MRE11: variants seen among roughly 807,000 people sequenced by gnomAD.
The protein encoded by MRE11 is double-strand break repair protein MRE11.
A neutral mutation model predicts 91.7 loss-of-function variants in MRE11; 62 were observed. The observed-to-expected ratio is 0.68, with a 90% CI of 0.55 to 0.84. MRE11 has a LOEUF of 0.84. Ranked by LOEUF, MRE11 falls within the 40% of genes least tolerant of loss-of-function variation. The probability of loss-of-function intolerance (pLI) is 0.00; values close to 1 mark genes in which losing one functional copy is unlikely to be tolerated. For synonymous variants in MRE11, 273 were observed against 271.4 expected (o/e 1.01, Z -0.06); for missense variants, 796 against 852.9 (o/e 0.93, Z 0.83).
At chr11:94,464,284 G>C (rs962258667) in intron 10 of MRE11, 45 bp from the exon 11 acceptor site, 8 of 1,612,350 alleles carry the variant, frequency 5.0e-6, no homozygotes, top group Non-Finnish European at 6.8e-6. Context: ...ACAACAATTT[G>C]CCAATTTTTA....
At chr11:94,457,199 G>A (rs1479833906) in intron 13 of MRE11, among the ~76,000 whole-genome samples, 2 of 152,258 alleles carry the variant, frequency 1.3e-5, no homozygotes, top group East Asian at 3.9e-4. Flanking sequence ...TAAAAAACAT[G>A]TTTCAAAGAA....
At chr11:94,431,884 A>G (rs1945471130) in intron 18 of MRE11, among the ~76,000 whole-genome samples, 1 of 152,242 alleles carries the variant, frequency 6.6e-6, no homozygotes, top group Non-Finnish European at 1.5e-5. Flanking sequence ...CTACTGTGAT[A>G]TCAAAAGCAA....
At chr11:94,462,558 A>G (rs1946449291) in intron 11 of MRE11, among the ~76,000 whole-genome samples, 1 of 152,220 alleles carries the variant, frequency 6.6e-6, no homozygotes, top group Non-Finnish European at 1.5e-5. Context: ...CCAAAACAGC[A>G]TGGTGCTGGT....
At chr11:94,444,619 C>A (rs1226271785) in intron 16 of MRE11, among the ~76,000 whole-genome samples, 3 of 152,080 alleles carry the variant, frequency 2.0e-5, no homozygotes, top group South Asian at 2.1e-4. Flanking sequence ...GTTGGGTATG[C>A]CTGCATAACT....
At chr11:94,447,134 T>C (rs1201211732) in intron 15 of MRE11, 85 bp downstream of exon 15, 4 of 1,335,418 alleles carry the variant, frequency 3.0e-6, no homozygotes, top group Non-Finnish European at 4.3e-6. Flanking sequence ...ATAAAACTTA[T>C]AATTCAACTC....
intron 19 of MRE11, among the ~76,000 whole-genome samples, chr11:94,426,712 A>G (rs1411228653): frequency 1.3e-5 from 2 of 152,170 alleles, no homozygotes; most frequent in Non-Finnish European, 2.9e-5. Context: ...ATCAGAAATG[A>G]CAAAGATGAC....
upstream of MRE11, chr11:94,496,745 T>G: frequency 6.2e-7 from 1 of 1,611,274 alleles, no homozygotes. Flanking sequence ...AGAGAATTCC[T>G]TGGATTTTTC....
At chr11:94,503,724 AATCGG>A in the MRE11 span, among the ~76,000 whole-genome samples, 1 of 151,242 alleles carries the variant, frequency 6.6e-6, no homozygotes, top group Non-Finnish European at 1.5e-5. Context: ...AAAACGTTAA[AATCGG>A]GATTTTTATA....
intron 6 of MRE11, 101 bp from the exon 7 acceptor site, chr11:94,476,504 T>C: frequency 1.3e-6 from 1 of 767,732 alleles, no homozygotes. Context: ...AGTATTTCAC[T>C]TTACTGTTGG....
the MRE11 span, among the ~76,000 whole-genome samples, chr11:94,507,705 G>A: frequency 6.6e-6 from 1 of 151,982 alleles, no homozygotes; most frequent in Non-Finnish European, 1.5e-5. Flanking sequence ...ATAGCTCATT[G>A]TAGTTTTAAT....
chr11:94,453,882 G>A (rs778328691), intron 14 of MRE11, among the ~76,000 whole-genome samples: 6 of 151,922 alleles, frequency 3.9e-5, no homozygotes, highest in Admixed American at 6.6e-5. Context: ...ACGACTGTGG[G>A]TAAGACTAAG....
chr11:94,484,057 T>C (rs530677520), intron 4 of MRE11, among the ~76,000 whole-genome samples: 90 of 152,070 alleles, frequency 5.9e-4, no homozygotes, highest in South Asian at 1.2e-3. Context: ...TGGCTGAGTC[T>C]GAAGACAAGA....
In MRE11 at chr11:94,437,222, T is replaced by C; in HGVS notation, c.1881A>G (p.Thr627=). 1 of 1,612,982 alleles carries C rather than the reference T, an allele frequency of 6.2e-7. No individual in the cohort carries two copies. The highest frequency in any genetic ancestry group is 8.5e-7 in the Non-Finnish European group (1 of 1,179,450). ...NMSIIDAFKS[T]RQQPSRNVTT... is the part of the protein sequence containing the mutation. ...TGACATTTCGGGAAGGCTGCTGTCT[T>C]GTAGATTTAAAGGCTAGAATGAAAA... The change falls in exon 17 of 20, where the codon ACA becomes ACG. Residue 627 remains threonine (T), a synonymous_variant. Coordinates refer to ENST00000323929, the MANE Select transcript of MRE11 (RefSeq NM_005591.4).
chr11:94,435,886 T>C lies in MRE11; in HGVS notation c.1940A>G (p.Asp647Gly), dbSNP rs1945596008. 1 of 1,613,874 alleles carries C rather than the reference T, an allele frequency of 6.2e-7. No individual in the cohort carries two copies. Among genetic ancestry groups the C allele is most frequent in the Admixed American group, 1.7e-5 (1 of 60,028 alleles). ...TKNYSEVIEVDESDVEEDIFP... is the reference protein window; with the variant it reads ...TKNYSEVIEVGESDVEEDIFP... ...AATGTCTTCTTCCACATCTGATTCA[T>C]CTACCTCAATCACCTGGCAAGGAAA... is the stretch of plus-strand genomic sequence containing the variant. The change falls in exon 18 of 20, where the codon GAT (aspartate) becomes GGT (glycine). Residue 647 changes from aspartate (D) to glycine (G), a missense_variant. Coordinates refer to ENST00000323929, the MANE Select transcript of MRE11 (RefSeq NM_005591.4).
chr11:94,447,089 A>G (rs752078279), intron 15 of MRE11, 130 bp downstream of exon 15: 5 of 986,332 alleles, frequency 5.1e-6, no homozygotes, highest in African/African-American at 1.6e-5. Context: ...TTTATATATT[A>G]TAAAAATAGA....
At chr11:94,430,671 A>C (rs1022990080) in intron 18 of MRE11, among the ~76,000 whole-genome samples, 4 of 152,054 alleles carry the variant, frequency 2.6e-5, no homozygotes, top group African/African-American at 9.7e-5. Context: ...CAGGTTGGCC[A>C]GGATGGTCTC....
At chr11:94,431,396 A>C (rs1426760655) in intron 18 of MRE11, among the ~76,000 whole-genome samples, 1 of 152,240 alleles carries the variant, frequency 6.6e-6, no homozygotes, top group East Asian at 1.9e-4. Context: ...CATTCTGCAA[A>C]AACAGTCTAA....
the MRE11 span, chr11:94,499,648 G>T: frequency 6.6e-6 from 1 of 152,076 alleles, no homozygotes; most frequent in African/African-American, 2.4e-5. Context: ...CATCCAGCAC[G>T]CACTTAGTTA....
In MRE11 at chr11:94,447,243, TC is replaced by T; in HGVS notation, c.1758del (p.Arg587GlufsTer35). 6.2e-7 allele frequency: 1 copy of T among 1,613,640 alleles called. No individual in the cohort carries two copies. Among genetic ancestry groups the T allele is most frequent in the Non-Finnish European group, 8.5e-7 (1 of 1,180,012 alleles). On this transcript the variant is annotated frameshift_variant, in exon 15 of 20. Transcript: ENST00000323929. LOFTEE classifies it high-confidence loss of function. ...CCTCTTCCTCTTTGAGACCCTCCTC[TC>T]GATGCTGAATTCTGCCCTCTTCCAC... ...RRGGRGQNSASRGGSQRGRAD... is the reference protein window; with the variant it reads ...RRGGRGQNSAXRGGSQRGRAD...
Sources: gnomAD v4.1 joint callset for allele counts (sites outside exome capture counted in the v4.1 genomes callset) on GRCh38, gnomAD v4.1.1 for gene constraint, MANE v1.5 for transcripts, NCBI Gene and HGNC (gene_info 2026-07-23, HGNC 2026-07-21) for gene names.